Variants in NCKAP5 observed in about 807,000 individuals in gnomAD.
NCKAP5 encodes the protein NCK associated protein 5.
In NCKAP5, 92 loss-of-function variants were observed where a neutral mutation model predicts 167.0. That is an observed-to-expected ratio of 0.55 (90% CI 0.47 to 0.66). The LOEUF is 0.66. Among genes scored for constraint, NCKAP5 ranks in the 30% least tolerant of loss-of-function variants. NCKAP5 has a pLI of 0.00. For synonymous variants in NCKAP5, 891 were observed against 877.4 expected (o/e 1.02, Z -0.27); for missense variants, 2,378 against 2,315.0 (o/e 1.03, Z -0.56).
chr2:132,994,543 A>G (rs982149331), intron 6 of NCKAP5, among the ~76,000 whole-genome samples: 1 of 152,310 alleles, frequency 6.6e-6, no homozygotes, highest in East Asian at 1.9e-4. Context: ...AATTTGATAC[A>G]GTATCACTAC....
intron 3 of NCKAP5, among the ~76,000 whole-genome samples, chr2:133,305,220 C>T (rs1446193538): frequency 6.6e-6 from 1 of 152,120 alleles, no homozygotes. Flanking sequence ...TATCTCAAGT[C>T]AGAAGTTGAA....
intron 12 of NCKAP5, among the ~76,000 whole-genome samples, chr2:132,792,973 T>G (rs1243874765): frequency 6.6e-6 from 1 of 152,124 alleles, no homozygotes; most frequent in East Asian, 1.9e-4. Context: ...GCTTCTCCCT[T>G]GGCCTTGAAC....
At chr2:133,126,286 C>A (rs1574106674) in intron 6 of NCKAP5, among the ~76,000 whole-genome samples, 2 of 152,326 alleles carry the variant, frequency 1.3e-5, no homozygotes, top group East Asian at 3.9e-4. Context: ...CCTACAAGGC[C>A]ATCAAACATA....
Position 133,130,086 on chromosome 2 carries a change from T to C in NCKAP5, c.233A>G (p.Glu78Gly), listed in dbSNP as rs567629017. 1 of 1,611,316 alleles carries C rather than the reference T, an allele frequency of 6.2e-7. No homozygotes were observed. Among genetic ancestry groups the C allele is most frequent in the African/African-American group, 1.3e-5 (1 of 74,932 alleles). Residue 78 changes from glutamate (E) to glycine (G), a missense_variant, in exon 6 of 20, where the codon GAA (glutamate) becomes GGA (glycine). By Grantham distance (98) the Glu-to-Gly change is moderately conservative. Around this residue, in one of 3 missense-constraint regions of NCKAP5, gnomAD observed 1,049 missense variants for 1,023.4 expected, o/e 1.02. Coordinates refer to ENST00000409261, the MANE Select transcript of NCKAP5 (RefSeq NM_207363.3). ...AMHEKLIHEL[E>G]EERHLRLQSE... Reference sequence around the variant, plus strand: ...TTGAAGACGTAAGTGTCTCTCCTCTTCCAGTTCATGTATCAGCTTCTCATG... The same window carrying C: ...TTGAAGACGTAAGTGTCTCTCCTCTCCCAGTTCATGTATCAGCTTCTCATG...
rs1215626728 is a variant in NCKAP5 at position 132,783,402 on chromosome 2, C to A, written c.3409G>T (p.Ala1137Ser). The change falls in exon 14 of 20, where the codon GCT becomes TCT. Residue 1137 changes from alanine to serine, a missense_variant. Transcript: ENST00000409261. ...CGAGTTTTCAGTCCTTTCTCATGAG[C>A]ACTTTGACAACCATGAGGGCTGTTA... ...SHNSPHGCQSAHEKGLKTRLP... is the reference protein window; with the variant it reads ...SHNSPHGCQSSHEKGLKTRLP... 6.3e-7 allele frequency: 1 copy of A among 1,597,116 alleles called. No individual in the cohort carries two copies. The highest frequency in any genetic ancestry group is 1.7e-5 in the Admixed American group (1 of 58,282).
At chr2:132,715,817 C>A (rs1207874918) in intron 19 of NCKAP5, among the ~76,000 whole-genome samples, 2 of 152,196 alleles carry the variant, frequency 1.3e-5, no homozygotes, top group Non-Finnish European at 1.5e-5. Context: ...AATTAGGTAG[C>A]TGGACCAGGG....
the NCKAP5 span, among the ~76,000 whole-genome samples, chr2:133,660,700 T>C: frequency 2.0e-5 from 3 of 151,348 alleles, no homozygotes; most frequent in African/African-American, 7.3e-5. Context: ...AAACATTGTG[T>C]GAGTCAGCTC....
chr2:133,588,954 C>T, the NCKAP5 span, among the ~76,000 whole-genome samples: 4 of 152,036 alleles, frequency 2.6e-5, no homozygotes, highest in Admixed American at 1.3e-4. Context: ...AATGATGGAG[C>T]GGCAGGGAGG....
chr2:132,814,932 A>G (rs1156618940), intron 11 of NCKAP5, among the ~76,000 whole-genome samples: 2 of 152,212 alleles, frequency 1.3e-5, no homozygotes, highest in Non-Finnish European at 2.9e-5. Context: ...AGTTCCGTAA[A>G]CAATGTGAAT....
chr2:133,392,441 C>T (rs1639434183), intron 3 of NCKAP5, among the ~76,000 whole-genome samples: 1 of 152,126 alleles, frequency 6.6e-6, no homozygotes, highest in Admixed American at 6.5e-5. Context: ...AATACATTCT[C>T]ATTATTAAGT....
intron 11 of NCKAP5, among the ~76,000 whole-genome samples, chr2:132,820,191 G>A (rs1475853756): frequency 6.6e-6 from 1 of 151,910 alleles, no homozygotes; most frequent in African/African-American, 2.4e-5. Flanking sequence ...AGAGAAATGG[G>A]ATAGCAGGTA....
the NCKAP5 span, among the ~76,000 whole-genome samples, chr2:133,638,640 A>G: frequency 1.3e-5 from 2 of 152,088 alleles, no homozygotes; most frequent in African/African-American, 2.4e-5. Flanking sequence ...TGGGCGGATC[A>G]TGAGGTCAGG....
intron 19 of NCKAP5, among the ~76,000 whole-genome samples, chr2:132,716,663 A>T (rs531910340): frequency 1.3e-5 from 2 of 152,168 alleles, no homozygotes; most frequent in East Asian, 3.9e-4. Context: ...CTTCCCTCAA[A>T]ATGTCTCATT....
In NCKAP5 at chr2:133,147,136, C is replaced by G. The variant is rs905983877; in HGVS notation, c.208-17025G>C. ...TTGCCACCAAGTGGACGGACAAACA[C>G]TATTCTGGTTGTAGTTGTAGAGTAA... On this transcript the variant is annotated intron_variant, in intron 5 of 19. Coordinates refer to ENST00000409261, the MANE Select transcript of NCKAP5 (RefSeq NM_207363.3). 2.6e-5 allele frequency among the ~76,000 whole-genome samples: 4 copies of G among 152,136 alleles called. No individual in the cohort carries two copies. In the East Asian group the frequency reaches 5.8e-4, roughly 22 times the overall value.
chr2:133,411,813 C>T (rs940475617), intron 3 of NCKAP5, among the ~76,000 whole-genome samples: 5 of 152,108 alleles, frequency 3.3e-5, no homozygotes, highest in African/African-American at 9.7e-5. Flanking sequence ...TAGCAAAATT[C>T]GACTTTGGGT....
chr2:133,023,157 A>C (rs1018458294), intron 6 of NCKAP5, among the ~76,000 whole-genome samples: 2 of 152,174 alleles, frequency 1.3e-5, no homozygotes, highest in Admixed American at 1.3e-4. Context: ...GAGACAATCA[A>C]TGTGTGTTTT....
At chr2:132,959,082 A>T (rs1404275657) in intron 8 of NCKAP5, among the ~76,000 whole-genome samples, 1 of 145,918 alleles carries the variant, frequency 6.9e-6, no homozygotes, top group African/African-American at 2.5e-5. Flanking sequence ...TAATATATTA[A>T]TAAATATATT....
At chr2:133,117,929 A>G (rs2082132524) in intron 6 of NCKAP5, 1 of 152,194 alleles carries the variant, frequency 6.6e-6, no homozygotes, top group Non-Finnish European at 1.5e-5. Context: ...GTTTGCTGAG[A>G]TAAGGGCCTC....
At chr2:133,512,890 C>T (rs576632868) in intron 3 of NCKAP5, among the ~76,000 whole-genome samples, 36 of 152,214 alleles carry the variant, frequency 2.4e-4, no homozygotes, top group African/African-American at 8.4e-4. Context: ...CTACCGCTTC[C>T]CCATGGCCCC....
Sources: gnomAD v4.1 joint callset for allele counts (sites outside exome capture counted in the v4.1 genomes callset) on GRCh38, gnomAD v4.1.1 for gene constraint, gnomAD v4.1.1 regional missense constraint, MANE v1.5 for transcripts, NCBI Gene and HGNC (gene_info 2026-07-23, HGNC 2026-07-21) for gene names.